DNAH1: variants seen among roughly 807,000 people sequenced by gnomAD.
DNAH1 encodes the protein dynein axonemal heavy chain 1, also known as axonemal beta dynein heavy chain 1.
DNAH1 carries 327 observed loss-of-function variants against 484.3 expected under a neutral mutation model. The observed-to-expected ratio is 0.68, with a 90% CI of 0.62 to 0.74. DNAH1 has a LOEUF of 0.74. DNAH1 is among the 30% of genes least tolerant of loss of function. The pLI, the probability that DNAH1 is intolerant of heterozygous loss-of-function variation, is 0.00. For synonymous variants in DNAH1, 2,192 were observed against 2,191.9 expected (o/e 1.00, Z 0.00); for missense variants, 5,052 against 5,546.8 (o/e 0.91, Z 2.83).
In DNAH1 at chr3:52,352,106, G is replaced by A; in HGVS notation, c.2871+3G>A. The A allele has an allele frequency of 6.4e-7, 1 of 1,573,150 alleles. No individual in the cohort carries two copies. The highest frequency in any genetic ancestry group is 8.6e-7 in the Non-Finnish European group (1 of 1,159,990). On this transcript the variant is annotated splice_donor_region_variant and intron_variant, in intron 17 of 77. Coordinates refer to ENST00000420323, the MANE Select transcript of DNAH1 (RefSeq NM_015512.5). ...AAGAGAAGCTGGAAGGGCTGCAGGT[G>A]GGGCACAGCTGCAGGCTTGGTGCTG... is the stretch of plus-strand genomic sequence containing the variant.
At chr3:52,374,667 A>G (rs1703505361) in intron 44 of DNAH1, 2 of 1,450,414 alleles carry the variant, frequency 1.4e-6, no homozygotes, top group Non-Finnish European at 1.9e-6. Context: ...TCTGCCCATC[A>G]TGTTTCCTTC....
chr3:52,380,551 C>T (rs1217113630), intron 48 of DNAH1, among the ~76,000 whole-genome samples: 3 of 152,212 alleles, frequency 2.0e-5, no homozygotes, highest in African/African-American at 2.4e-5. Flanking sequence ...TCCAAGAGCT[C>T]CCACCAGGGT....
Position 52,363,168 on chromosome 3 carries a change from T to C in DNAH1, c.5244+24T>C, listed in dbSNP as rs373138267. The C allele has an allele frequency of 9.0e-4, 1,448 of 1,609,060 alleles. 1 individual carries two copies. Among genetic ancestry groups the C allele is most frequent in the Middle Eastern group, 2.4e-3 (14 of 5,858 alleles). Reference sequence around the variant, plus strand: ...AGGTGTGGTCCTGCCCTGATGGGTTTCCAGGGTCTGAAAACTTCTGCCTGC... The same window carrying C: ...AGGTGTGGTCCTGCCCTGATGGGTTCCCAGGGTCTGAAAACTTCTGCCTGC... On this transcript the variant is annotated intron_variant, in intron 32 of 77. Coordinates refer to ENST00000420323, the MANE Select transcript of DNAH1 (RefSeq NM_015512.5).
chr3:52,374,845 C>A, intron 44 of DNAH1: 1 of 1,116,066 alleles, frequency 9.0e-7, no homozygotes, highest in Non-Finnish European at 1.4e-6. Flanking sequence ...CGAGAAGAAG[C>A]ATGGGTTAAA....
intron 54 of DNAH1, 110 bp downstream of exon 54, chr3:52,385,557 C>A: frequency 1.2e-6 from 1 of 827,178 alleles, no homozygotes; most frequent in Non-Finnish European, 2.0e-6. Flanking sequence ...ATCTGGCCTC[C>A]GTGTGCCCCA....
Position 52,396,908 on chromosome 3 carries a change from G to A in DNAH1, c.11651G>A (p.Arg3884His), listed in dbSNP as rs755706217. 43 of 1,596,428 alleles carry A rather than the reference G, an allele frequency of 2.7e-5. No homozygotes were observed. Among genetic ancestry groups the A allele is most frequent in the Non-Finnish European group, 3.1e-5 (36 of 1,170,072 alleles). The change falls in exon 73 of 78, where the codon CGT becomes CAT. Residue 3884 changes from arginine to histidine, a missense_variant. Physicochemically the swap from Arg to His is conservative, Grantham distance 29 (BLOSUM62 0). Coordinates refer to ENST00000420323, the MANE Select transcript of DNAH1 (RefSeq NM_015512.5). ...YTAGEINYGG[R>H]VTDDWDRRCI... ...GCAGGGGAGATCAATTACGGGGGCCGTGTCACTGATGACTGGGACCGGCGC... is the reference window on the plus strand; with the variant it reads ...GCAGGGGAGATCAATTACGGGGGCCATGTCACTGATGACTGGGACCGGCGC...
rs747302291 is a variant in DNAH1, at chr3:52,381,853, C to A, written c.7805+17C>A. On this transcript the variant is annotated intron_variant, in intron 49 of 77. Transcript: ENST00000420323. This position sits in a 1 kb window ranked among gnomAD's most constrained non-coding sequence, Gnocchi z 4.1. Reference sequence around the variant, plus strand: ...CTCGCACATGTGAGCGCCTCCAGGGCGTGCTGGGCAGTGGGCGGCCAGGGC... The same window carrying A: ...CTCGCACATGTGAGCGCCTCCAGGGAGTGCTGGGCAGTGGGCGGCCAGGGC... 6.4e-7 allele frequency: 1 copy of A among 1,558,708 alleles called. No individual in the cohort carries two copies. The highest frequency in any genetic ancestry group is 8.7e-7 in the Non-Finnish European group (1 of 1,150,586).
Position 52,379,782 on chromosome 3 carries a change from T to G in DNAH1, c.7378-123T>G. 3 of 813,070 alleles carry G rather than the reference T, an allele frequency of 3.7e-6. No homozygotes were observed. The highest frequency in any genetic ancestry group is 3.8e-6 in the Non-Finnish European group (2 of 526,978). The allele number at this position is 813,070 out of a possible 1,614,324, so 50.4% of individuals were successfully genotyped here. Reference sequence around the variant, plus strand: ...CCCACACACTGTCCCTGGGCCATGGTGGGAGAGCCAGGCTCCAGTCAGGGC... The same window carrying G: ...CCCACACACTGTCCCTGGGCCATGGGGGGAGAGCCAGGCTCCAGTCAGGGC... On this transcript the variant is annotated intron_variant, in intron 47 of 77. Transcript: ENST00000420323. This position sits in a 1 kb window ranked among gnomAD's most constrained non-coding sequence, Gnocchi z 4.4.
intron 12 of DNAH1, 56 bp from the exon 13 acceptor site, chr3:52,348,832 C>A (rs748600301): frequency 8.9e-6 from 14 of 1,575,450 alleles, no homozygotes; most frequent in Non-Finnish European, 1.2e-5. Context: ...CTCCCCTCTG[C>A]TCATTCACCC....
chr3:52,353,686 C>T lies in DNAH1; in HGVS notation c.3480+53C>T, dbSNP rs1702493561. ...CTCCAGCCAGGCCCTGCCGGACAGC[C>T]TGACCTCCTGCTCTGGCAACCACAG... On this transcript the variant is annotated intron_variant, in intron 20 of 77. Coordinates refer to ENST00000420323, the MANE Select transcript of DNAH1 (RefSeq NM_015512.5). This position sits in a 1 kb window ranked among gnomAD's most constrained non-coding sequence, Gnocchi z 5.0. The T allele has an allele frequency of 1.3e-6, 2 of 1,548,848 alleles. No individual in the cohort carries two copies. The highest frequency in any genetic ancestry group is 8.7e-7 in the Non-Finnish European group (1 of 1,148,684).
chr3:52,319,332 AAAG>A (rs1205953368), intron 1 of DNAH1, among the ~76,000 whole-genome samples: 2 of 152,160 alleles, frequency 1.3e-5, no homozygotes, highest in Non-Finnish European at 2.9e-5. Flanking sequence ...GAGTGGGGAG[AAAG>A]AAGAACTTGG....
At chr3:52,389,839 T>C (rs1422231711) in intron 60 of DNAH1, among the ~76,000 whole-genome samples, 1 of 152,188 alleles carries the variant, frequency 6.6e-6, no homozygotes, top group Non-Finnish European at 1.5e-5. Flanking sequence ...GGACCAGGCG[T>C]GGTGGCTCAC....
Position 52,345,590 on chromosome 3 carries a change from A to G in DNAH1, c.1540A>G (p.Ser514Gly), listed in dbSNP as rs1488630249. The stretch of plus-strand genomic sequence containing the variant: ...ACGGCCAGAGGTCATCACGGCCCTC[A>G]GCAAGGTGAGGGCCGAGTGCAACAA... ...LTRPEVITAL[S>G]KVRAECNKVT... The change falls in exon 10 of 78, where the codon AGC (serine) becomes GGC (glycine). Residue 514 changes from serine (S) to glycine (G), a missense_variant. Physicochemically the swap from Ser to Gly is moderately conservative, Grantham distance 56. This residue lies in a region of DNAH1 where 1,263 missense variants were observed against 1,218.8 expected (regional missense o/e 1.04). Transcript: ENST00000420323. 1.2e-6 allele frequency: 2 copies of G among 1,604,276 alleles called. No individual in the cohort carries two copies. The highest frequency in any genetic ancestry group is 1.7e-6 in the Non-Finnish European group (2 of 1,175,274).
chr3:52,351,145 C>G (rs1479354400), intron 16 of DNAH1, among the ~76,000 whole-genome samples: 2 of 152,254 alleles, frequency 1.3e-5, no homozygotes, highest in Non-Finnish European at 2.9e-5. Flanking sequence ...CCACCGCGCC[C>G]AGCCTGACAC....
Position 52,366,896 on chromosome 3 carries a change from C to T in DNAH1, c.5765+9C>T, listed in dbSNP as rs569125587. On this transcript the variant is annotated intron_variant, in intron 36 of 77. Coordinates refer to ENST00000420323, the MANE Select transcript of DNAH1 (RefSeq NM_015512.5). ...CTCCTCACCCATGAGTGGTGAGTGA[C>T]CCCCCAGCCTCACCGGTGACCCCCT... The T allele has an allele frequency of 1.3e-6, 2 of 1,599,336 alleles. No individual in the cohort carries two copies. Among genetic ancestry groups the T allele is most frequent in the Non-Finnish European group, 1.7e-6 (2 of 1,169,372 alleles).
intron 22 of DNAH1, 75 bp downstream of exon 22, chr3:52,356,853 C>G (rs931444227): frequency 9.3e-6 from 14 of 1,499,666 alleles, no homozygotes; most frequent in African/African-American, 1.4e-5. Context: ...GCCTCCTAGT[C>G]TCTTCCCTCC....
At position 52,362,520 on chromosome 3, in the gene DNAH1, T is replaced by G. The variant is rs1188347031; in HGVS notation, c.5094+19T>G. The G allele has an allele frequency of 1.9e-6, 3 of 1,605,824 alleles. No individual in the cohort carries two copies. The South Asian group carries it at 3.3e-5, about 18-fold the overall frequency. The stretch of plus-strand genomic sequence containing the variant: ...TCTGAAGGCAAGTGCAGGCCCAGAG[T>G]GGCCCAGGAAGCACCAGAGCTCTAG... On this transcript the variant is annotated intron_variant, in intron 31 of 77. Transcript: ENST00000420323. The surrounding 1 kb of genome is among the most constrained non-coding windows in gnomAD (Gnocchi z 5.1).
chr3:52,322,906 T>C (rs1165082640), intron 2 of DNAH1, 131 bp downstream of exon 2: 2 of 849,132 alleles, frequency 2.4e-6, no homozygotes, highest in African/African-American at 1.7e-5. Context: ...TCCATCTGTC[T>C]TTCTATCCAT....
chr3:52,359,847 C>T, intron 26 of DNAH1, 69 bp from the exon 27 acceptor site: 3 of 1,589,376 alleles, frequency 1.9e-6, no homozygotes, highest in Non-Finnish European at 2.6e-6. Context: ...GAAGCCCACC[C>T]TCTGTGAAAG....
Sources: gnomAD v4.1 joint callset for allele counts (sites outside exome capture counted in the v4.1 genomes callset) on GRCh38, gnomAD v4.1.1 for gene constraint, gnomAD v4.1.1 regional missense constraint, Gnocchi (gnomAD v3.1) non-coding constraint, MANE v1.5 for transcripts, NCBI Gene and HGNC (gene_info 2026-07-23, HGNC 2026-07-21) for gene names.